The following CYP4Z1 variants were observed in gnomAD, a reference collection of about 807,000 sequenced individuals.
CYP4Z1 encodes cytochrome P450 4Z1.
CYP4Z1 carries 41 observed loss-of-function variants against 54.2 expected under a neutral mutation model. The ratio of observed to expected loss-of-function variants is 0.76; its 90% CI spans 0.59 to 0.98. CYP4Z1 has a LOEUF of 0.98. Ranked by LOEUF, CYP4Z1 falls within the 50% of genes least tolerant of loss-of-function variation. The pLI, the probability that CYP4Z1 is intolerant of heterozygous loss-of-function variation, is 0.00. For synonymous variants in CYP4Z1, 163 were observed against 206.2 expected, an observed-to-expected ratio of 0.79 and a Z score of 1.79; for missense variants, 513 against 599.0, an observed-to-expected ratio of 0.86 and a Z score of 1.50.
chr1:47,089,858 C>A (rs935631599), intron 6 of CYP4Z1, among the ~76,000 whole-genome samples: 2 of 152,272 alleles, frequency 1.3e-5, no homozygotes, highest in African/African-American at 4.8e-5. Context: ...CCCTTCACAG[C>A]AGTTAGGTTT....
At chr1:47,076,709 G>T (rs1644524831) in intron 2 of CYP4Z1, among the ~76,000 whole-genome samples, 1 of 150,754 alleles carries the variant, frequency 6.6e-6, no homozygotes, top group Admixed American at 6.6e-5. Flanking sequence ...GCCGGGAGCG[G>T]TGGCGGGCTC....
At chr1:47,065,707 A>C (rs1298261734), upstream of CYP4Z1, among the ~76,000 whole-genome samples, 1 of 151,888 alleles carries the variant, frequency 6.6e-6, no homozygotes, top group Non-Finnish European at 1.5e-5. Flanking sequence ...AAATTGAAAC[A>C]AAAAAAATAC....
At chr1:47,057,108 AG>A in the CYP4Z1 span, among the ~76,000 whole-genome samples, 1 of 151,550 alleles carries the variant, frequency 6.6e-6, no homozygotes, top group Non-Finnish European at 1.5e-5. Context: ...CTTTTAGGGC[AG>A]GTCTGGTGGT....
At chr1:47,066,887 GA>G (rs896981319), upstream of CYP4Z1, among the ~76,000 whole-genome samples, 62 of 137,884 alleles carry the variant, frequency 4.5e-4, no homozygotes, top group East Asian at 2.9e-3. Context: ...TTTCAAAATA[GA>G]AAAAAAAAAA....
chr1:47,113,957 T>C (rs531857336), intron 9 of CYP4Z1, among the ~76,000 whole-genome samples: 26 of 152,190 alleles, frequency 1.7e-4, no homozygotes, highest in Non-Finnish European at 8.8e-5. Flanking sequence ...TTAAAGTTCA[T>C]ATGGCACCAA....
intron 9 of CYP4Z1, among the ~76,000 whole-genome samples, chr1:47,107,882 G>A (rs919774682): frequency 1.9e-4 from 29 of 152,176 alleles, no homozygotes; most frequent in African/African-American, 5.8e-4. Flanking sequence ...CAGCTGCTGC[G>A]GGTAACTTTC....
At chr1:47,112,568 T>C (rs1030231089) in intron 9 of CYP4Z1, among the ~76,000 whole-genome samples, 1 of 152,174 alleles carries the variant, frequency 6.6e-6, no homozygotes, top group Non-Finnish European at 1.5e-5. Context: ...ATCACTTATG[T>C]ATATAAGTAC....
At chr1:47,098,008 G>C (rs1408894725) in intron 7 of CYP4Z1, among the ~76,000 whole-genome samples, 1 of 151,786 alleles carries the variant, frequency 6.6e-6, no homozygotes, top group African/African-American at 2.4e-5. Flanking sequence ...TGGAGATGGG[G>C]GTTTCACCAT....
At chr1:47,103,460 G>A (rs1644734657) in intron 8 of CYP4Z1, among the ~76,000 whole-genome samples, 1 of 151,862 alleles carries the variant, frequency 6.6e-6, no homozygotes, top group Non-Finnish European at 1.5e-5. Flanking sequence ...TTACAGGTGT[G>A]AGCCATCTTT....
At chr1:47,115,359 A>G (rs565510618) in intron 9 of CYP4Z1, 170 bp from the exon 10 acceptor site, 30 of 555,752 alleles carry the variant, frequency 5.4e-5, no homozygotes, top group Admixed American at 4.3e-4. Flanking sequence ...TGACGAGTTA[A>G]TGGGTGCAGC....
At chr1:47,083,915 C>T (rs1377866687) in intron 4 of CYP4Z1, among the ~76,000 whole-genome samples, 2 of 151,972 alleles carry the variant, frequency 1.3e-5, no homozygotes, top group Non-Finnish European at 2.9e-5. Flanking sequence ...ATTTTAGTAA[C>T]GTGTTTGGAA....
the CYP4Z1 span, among the ~76,000 whole-genome samples, chr1:47,057,335 A>AAAAAAAAATATATATAT: frequency 3.2e-4 from 9 of 28,488 alleles, no homozygotes; most frequent in East Asian, 9.7e-4. Context: ...AAGAAAAAAA[A>AAAAAAAAATATATATAT]ATATATATAT....
intron 2 of CYP4Z1, among the ~76,000 whole-genome samples, chr1:47,076,988 T>C (rs529213671): frequency 6.6e-6 from 1 of 151,954 alleles, no homozygotes; most frequent in African/African-American, 2.4e-5. Flanking sequence ...ATTGAGACTT[T>C]TTTTGTGACT....
At chr1:47,103,422 A>T (rs1314795354) in intron 8 of CYP4Z1, among the ~76,000 whole-genome samples, 3 of 151,698 alleles carry the variant, frequency 2.0e-5, no homozygotes, top group Admixed American at 1.3e-4. Flanking sequence ...AAGCCATCTT[A>T]CTGCCTCAGC....
At position 47,099,126 on chromosome 1, in the gene CYP4Z1, T is replaced by A. The variant is rs747113273; in HGVS notation, c.909T>A (p.Asp303Glu). Residue 303 changes from aspartate (D) to glutamate (E), a missense_variant, in exon 8 of 12, where the codon GAT becomes GAA. Coordinates refer to ENST00000334194, the MANE Select transcript of CYP4Z1 (RefSeq NM_178134.3). ...SENTKDFSEA[D>E]LQAEVKTFMF... ...ACACCAAAGATTTCTCTGAAGCAGATCTCCAGGCTGAAGTGAAAACGTTCA... is the reference window on the plus strand; with the variant it reads ...ACACCAAAGATTTCTCTGAAGCAGAACTCCAGGCTGAAGTGAAAACGTTCA... The A allele has an allele frequency of 3.7e-5, 60 of 1,613,914 alleles. No homozygotes were observed. The Admixed American group carries it at 1.0e-3, about 27-fold the overall frequency.
Position 47,068,748 on chromosome 1 carries a change from C to A in CYP4Z1, c.304C>A (p.Leu102Ile), listed in dbSNP as rs577489518. Residue 102 changes from leucine to isoleucine, a missense_variant, in exon 2 of 12, where the codon CTC (leucine) becomes ATC (isoleucine). Coordinates refer to ENST00000334194, the MANE Select transcript of CYP4Z1 (RefSeq NM_178134.3). ...SVHDPDYAKI[L>I]LKRQDPKSAV... ...CCATGACCCAGACTATGCCAAGATTCTCCTGAAAAGACAAGGTAAAAACCA... is the reference window on the plus strand; with the variant it reads ...CCATGACCCAGACTATGCCAAGATTATCCTGAAAAGACAAGGTAAAAACCA... 6.2e-7 allele frequency: 1 copy of A among 1,613,996 alleles called. No individual in the cohort carries two copies. Among genetic ancestry groups the A allele is most frequent in the African/African-American group, 1.3e-5 (1 of 75,020 alleles).
chr1:47,103,032 TA>T (rs1318822230), intron 8 of CYP4Z1, among the ~76,000 whole-genome samples: 1 of 152,174 alleles, frequency 6.6e-6, no homozygotes, highest in East Asian at 1.9e-4. Context: ...ATTCTTTTTT[TA>T]AAAAAATTGT....
At chr1:47,066,657 G>A (rs2148523437), upstream of CYP4Z1, among the ~76,000 whole-genome samples, 1 of 152,228 alleles carries the variant, frequency 6.6e-6, no homozygotes, top group East Asian at 1.9e-4. Flanking sequence ...GGAAGTCCTA[G>A]CCAGAGCAAT....
the CYP4Z1 span, among the ~76,000 whole-genome samples, chr1:47,057,372 A>ATATATATATATG: frequency 8.4e-6 from 1 of 118,450 alleles, no homozygotes; most frequent in Non-Finnish European, 1.7e-5. Flanking sequence ...ATATATATAT[A>ATATATATATATG]TATATGTATA....
Sources: gnomAD v4.1 joint callset for allele counts (sites outside exome capture counted in the v4.1 genomes callset) on GRCh38, gnomAD v4.1.1 for gene constraint, MANE v1.5 for transcripts, NCBI Gene and HGNC (gene_info 2026-07-23, HGNC 2026-07-21) for gene names.